The following ACSM1 variants were observed in gnomAD, a reference collection of about 807,000 sequenced individuals.
ACSM1 encodes the protein acyl-CoA synthetase medium chain family member 1, also known as acyl-coenzyme A synthetase ACSM1, mitochondrial.
A neutral mutation model predicts 75.8 loss-of-function variants in ACSM1; 79 were observed. The ratio of observed to expected loss-of-function variants is 1.04; its 90% confidence interval spans 0.87 to 1.26. The LOEUF is 1.26. ACSM1 is among the 50% of genes most tolerant of loss of function. ACSM1 has a pLI of 0.00. For missense variants in ACSM1, 676 were observed against 720.1 expected, an observed-to-expected ratio of 0.94 and a Z score of 0.70; for synonymous variants, 279 against 265.8, an observed-to-expected ratio of 1.05 and a Z score of -0.48.
intron 7 of ACSM1, 64 bp downstream of exon 7, chr16:20,661,730 C>T: frequency 8.3e-7 from 1 of 1,200,174 alleles, no homozygotes; most frequent in East Asian, 2.4e-5. Context: ...AAAAACAGAC[C>T]ATGATGTATC....
rs574906708 is a variant in ACSM1, at chr16:20,652,551, A to T, written c.992+9243T>A. Among the ~76,000 whole-genome samples the T allele has an allele frequency of 2.6e-5, 4 of 152,106 alleles. No individual in the cohort carries two copies. In the East Asian group the frequency reaches 7.7e-4, roughly 29 times the overall value. On this transcript the variant is annotated intron_variant, in intron 7 of 13. Transcript: ENST00000520010. ...GATTACACAAGAAAGAGGGATATTT[A>T]AAAAAATGATAAAGGGGATATCACC...
At chr16:20,667,798 C>T (rs2019653003) in intron 6 of ACSM1, among the ~76,000 whole-genome samples, 1 of 152,198 alleles carries the variant, frequency 6.6e-6, no homozygotes, top group Non-Finnish European at 1.5e-5. Context: ...GCTACATATA[C>T]ACCATGCAAT....
At chr16:20,650,572 C>T (rs1305343122) in intron 7 of ACSM1, among the ~76,000 whole-genome samples, 2 of 151,850 alleles carry the variant, frequency 1.3e-5, no homozygotes, top group Non-Finnish European at 2.9e-5. Flanking sequence ...GTGGGAAGGA[C>T]TCTGTAGTGA....
intron 8 of ACSM1, among the ~76,000 whole-genome samples, chr16:20,639,314 CA>C (rs756969575): frequency 6.6e-6 from 1 of 152,180 alleles, no homozygotes; most frequent in Non-Finnish European, 1.5e-5. Flanking sequence ...TTGGCATATA[CA>C]GAAAGTCCCT....
intron 4 of ACSM1, among the ~76,000 whole-genome samples, chr16:20,676,452 G>A (rs1369118172): frequency 2.0e-5 from 3 of 152,162 alleles, no homozygotes; most frequent in Non-Finnish European, 2.9e-5. Context: ...TAACCCTAAG[G>A]CTGCTGAAAA....
intron 4 of ACSM1, among the ~76,000 whole-genome samples, chr16:20,677,333 G>A (rs2020350419): frequency 6.6e-6 from 1 of 152,070 alleles, no homozygotes; most frequent in Non-Finnish European, 1.5e-5. Context: ...AGGCCATGAA[G>A]GTTCTAACTC....
chr16:20,640,874 T>C (rs2018015439), intron 7 of ACSM1, among the ~76,000 whole-genome samples: 1 of 152,220 alleles, frequency 6.6e-6, no homozygotes. Context: ...ACTGTGTGTT[T>C]ATCAGAACTC....
At chr16:20,683,177 G>C (rs1316142833) in intron 3 of ACSM1, among the ~76,000 whole-genome samples, 1 of 151,656 alleles carries the variant, frequency 6.6e-6, no homozygotes, top group Non-Finnish European at 1.5e-5. Context: ...GAGTGCAGTG[G>C]TGTGATCTGA....
chr16:20,643,656 A>G (rs946767941), intron 7 of ACSM1, among the ~76,000 whole-genome samples: 13 of 152,242 alleles, frequency 8.5e-5, no homozygotes, highest in Admixed American at 7.2e-4. Flanking sequence ...AAGGGGACCC[A>G]AGCAGGTTGC....
rs570396450 is a variant in ACSM1 at position 20,691,540 on chromosome 16, T to C, written c.-51-301A>G. Among the ~76,000 whole-genome samples the C allele has an allele frequency of 1.4e-4, 22 of 152,240 alleles. 1 individual carries two copies. Among genetic ancestry groups the C allele is most frequent in the African/African-American group, 5.1e-4 (21 of 41,546 alleles). ...AGCCATATGGTCATCCCTTTTGTGGTAGAGCAACTCGCCTTTTGGAAAGTT... is the reference window on the plus strand; with the variant it reads ...AGCCATATGGTCATCCCTTTTGTGGCAGAGCAACTCGCCTTTTGGAAAGTT... On this transcript the variant is annotated intron_variant, in intron 1 of 13. Coordinates refer to ENST00000520010, the MANE Select transcript of ACSM1 (RefSeq NM_001318890.3).
intron 1 of ACSM1, among the ~76,000 whole-genome samples, chr16:20,695,471 G>T (rs549791997): frequency 8.0e-4 from 122 of 152,254 alleles, no homozygotes; most frequent in African/African-American, 2.8e-3. Flanking sequence ...TGGAGTTAAG[G>T]TCTAAAGAGA....
At chr16:20,665,239 A>G (rs1282550862) in intron 6 of ACSM1, among the ~76,000 whole-genome samples, 1 of 152,176 alleles carries the variant, frequency 6.6e-6, no homozygotes, top group African/African-American at 2.4e-5. Flanking sequence ...AACAATATTG[A>G]TAGACTGCTA....
intron 7 of ACSM1, among the ~76,000 whole-genome samples, chr16:20,645,371 G>A (rs1015370773): frequency 8.5e-5 from 13 of 152,122 alleles, no homozygotes; most frequent in South Asian, 4.2e-4. Flanking sequence ...GATGGGAAAC[G>A]TTCCCCCCAA....
chr16:20,664,088 GT>G (rs1186177740), intron 6 of ACSM1, among the ~76,000 whole-genome samples: 1 of 152,094 alleles, frequency 6.6e-6, no homozygotes, highest in African/African-American at 2.4e-5. Flanking sequence ...CAAGGACTAA[GT>G]TGACAGGGGT....
chr16:20,679,733 C>G (rs1051645454), intron 4 of ACSM1: 2 of 152,170 alleles, frequency 1.3e-5, no homozygotes, highest in African/African-American at 4.8e-5. Context: ...AAGTTAGGAA[C>G]CTGCACATAC....
In ACSM1 at chr16:20,623,500, T is replaced by C. The variant is rs774698739; in HGVS notation, c.1720A>G (p.Thr574Ala). 1 of 1,614,068 alleles carries C rather than the reference T, an allele frequency of 6.2e-7. No homozygotes were observed. Among genetic ancestry groups the C allele is most frequent in the South Asian group, 1.1e-5 (1 of 91,080 alleles). Residue 574 changes from threonine to alanine, a missense_variant, in exon 14 of 14, where the codon ACT becomes GCT. Physicochemically the swap from Thr to Ala is moderately conservative, Grantham distance 58 (BLOSUM62 0). Transcript: ENST00000520010. ...TTCACTGCCGATTACATCTGACCAGTCTCCTTTTTCCGAAGTTCCTTCCGT... is the reference window on the plus strand; with the variant it reads ...TTCACTGCCGATTACATCTGACCAGCCTCCTTTTTCCGAAGTTCCTTCCGT... ...IERKELRKKE[T>A]GQM
chr16:20,675,074 C>T (rs1023035093), intron 4 of ACSM1, among the ~76,000 whole-genome samples: 1 of 152,064 alleles, frequency 6.6e-6, no homozygotes, highest in African/African-American at 2.4e-5. Context: ...GGCTTGCCAC[C>T]CCAACTGGGA....
chr16:20,669,665 A>G (rs1324067150), intron 6 of ACSM1, among the ~76,000 whole-genome samples, 162 bp downstream of exon 6: 1 of 152,174 alleles, frequency 6.6e-6, no homozygotes, highest in African/African-American at 2.4e-5. Context: ...TGACTCAGGT[A>G]TAGTGACTCA....
At chr16:20,657,200 T>G (rs951505119) in intron 7 of ACSM1, among the ~76,000 whole-genome samples, 13 of 152,230 alleles carry the variant, frequency 8.5e-5, no homozygotes, top group Admixed American at 3.3e-4. Flanking sequence ...GAAACTAAGC[T>G]TACAGTAACT....
Sources: allele counts gnomAD v4.1 joint callset (sites outside exome capture counted in the v4.1 genomes callset), GRCh38; gene constraint gnomAD v4.1.1; transcripts MANE v1.5; gene names NCBI Gene and HGNC (gene_info 2026-07-23, HGNC 2026-07-21).